The following PARD3B variants were observed in gnomAD, a reference collection of about 807,000 sequenced individuals.
The protein encoded by PARD3B is par-3 family cell polarity regulator beta.
In PARD3B, 103 loss-of-function variants were observed where a neutral mutation model predicts 130.2. The observed-to-expected ratio is 0.79, with a 90% CI of 0.67 to 0.93. The LOEUF (loss-of-function observed/expected upper bound fraction) is 0.93. PARD3B is among the 40% of genes least tolerant of loss of function. The pLI, the probability that PARD3B is intolerant of heterozygous loss-of-function variation, is 0.00. For synonymous variants in PARD3B, 583 were observed against 553.2 expected, an observed-to-expected ratio of 1.05 and a Z score of -0.76; for missense variants, 1,609 against 1,499.2, an observed-to-expected ratio of 1.07 and a Z score of -1.21.
intron 2 of PARD3B, among the ~76,000 whole-genome samples, chr2:204,811,818 AC>A (rs201240946): frequency 1.1e-4 from 16 of 151,718 alleles, no homozygotes; most frequent in East Asian, 1.9e-4. Context: ...ACATTAAAAA[AC>A]AAAAAACAAA....
intron 1 of PARD3B, among the ~76,000 whole-genome samples, chr2:204,633,658 AAAATTTAGCCAGGCAT>A (rs2034768363): frequency 6.6e-6 from 1 of 152,090 alleles, no homozygotes; most frequent in Admixed American, 6.5e-5. Flanking sequence ...CTAAAAATAC[AAAATTTAGCCAGGCAT>A]GGTGGTGCAC....
rs142030948 is a variant in PARD3B at position 205,103,780 on chromosome 2, A to G, written c.505-646A>G. 3,494 of 979,012 alleles carry G rather than the reference A, an allele frequency of 3.6e-3. 8 individuals are homozygous for G. Among genetic ancestry groups the G allele is most frequent in the Admixed American group, 0.011 (179 of 16,268 alleles). 60.6% of individuals were successfully genotyped at this position (979,012 alleles called of 1,614,324 possible). Reference sequence around the variant, plus strand: ...CCTCTGCTTCTCTGGGTAACATCCAATACAACTTTTCCACTGTCCTGGAGT... The same window carrying G: ...CCTCTGCTTCTCTGGGTAACATCCAGTACAACTTTTCCACTGTCCTGGAGT... On this transcript the variant is annotated intron_variant, in intron 4 of 22. Transcript: ENST00000406610.
At chr2:204,748,760 CT>C (rs1323790165) in intron 2 of PARD3B, among the ~76,000 whole-genome samples, 1 of 152,042 alleles carries the variant, frequency 6.6e-6, no homozygotes, top group East Asian at 1.9e-4. Flanking sequence ...AGAACCACTG[CT>C]GTACAAATAG....
chr2:204,733,927 C>T (rs2039630884), intron 2 of PARD3B, among the ~76,000 whole-genome samples: 1 of 152,056 alleles, frequency 6.6e-6, no homozygotes, highest in Non-Finnish European at 1.5e-5. Flanking sequence ...GCAATTGTAG[C>T]TTAGGCAAAT....
intron 22 of PARD3B, among the ~76,000 whole-genome samples, chr2:205,583,825 C>T (rs895621410): frequency 1.3e-5 from 2 of 152,198 alleles, no homozygotes; most frequent in Non-Finnish European, 2.9e-5. Flanking sequence ...TTACATCCCC[C>T]TCTTCCACCT....
intron 11 of PARD3B, among the ~76,000 whole-genome samples, chr2:205,161,996 C>T (rs912608488): frequency 2.0e-5 from 3 of 152,158 alleles, no homozygotes; most frequent in East Asian, 1.9e-4. Context: ...CTGAATACCT[C>T]GACTCTAATT....
rs1449019286 is a variant in PARD3B at position 204,965,246 on chromosome 2, CAG to C, written c.319_320del (p.Glu107SerfsTer9). On this transcript the variant is annotated frameshift_variant, in exon 3 of 23. Coordinates refer to ENST00000406610, the MANE Select transcript of PARD3B (RefSeq NM_001302769.2). LOFTEE classifies it high-confidence loss of function. The stretch of plus-strand genomic sequence containing the variant: ...CGGCAGAGCCCAGATGCTTTTGAGA[CAG>C]AAGTGGCCGCCCAACTGGCCGCATT... The C allele has an allele frequency of 6.2e-7, 1 of 1,613,908 alleles. No individual in the cohort carries two copies. Among genetic ancestry groups the C allele is most frequent in the Admixed American group, 1.7e-5 (1 of 59,976 alleles).
chr2:205,444,292 GT>G (rs906828949), intron 20 of PARD3B, among the ~76,000 whole-genome samples: 19 of 149,680 alleles, frequency 1.3e-4, no homozygotes, highest in Admixed American at 8.0e-4. Context: ...CTCTACAAAA[GT>G]TTTTTTTTTA....
In PARD3B at chr2:205,342,235, T is replaced by C. The variant is rs150467575; in HGVS notation, c.2630+40534T>C. Among the ~76,000 whole-genome samples the C allele has an allele frequency of 2.9e-3, 449 of 152,308 alleles. 3 individuals are homozygous for C. The highest frequency in any genetic ancestry group is 0.01 in the Middle Eastern group (3 of 294). On this transcript the variant is annotated intron_variant, in intron 18 of 22. Transcript: ENST00000406610. ...GGCACTCTGATAGGCATTAGGAAGA[T>C]GTAAGTGAACAAAACAGATTAATAT... is the stretch of plus-strand genomic sequence containing the variant.
rs1574997246 is a variant in PARD3B, at chr2:204,793,465, A to G, written c.222+107183A>G. ...TTTAAGTGAGGGTATTCCCAGTCGA[A>G]TCTGTTATCTTTTTAATATTCTCAC... is the stretch of plus-strand genomic sequence containing the variant. On this transcript the variant is annotated intron_variant, in intron 2 of 22. Coordinates refer to ENST00000406610, the MANE Select transcript of PARD3B (RefSeq NM_001302769.2). 4.6e-5 allele frequency among the ~76,000 whole-genome samples: 7 copies of G among 152,130 alleles called. No homozygotes were observed. In the South Asian group the frequency reaches 1.0e-3, roughly 23 times the overall value.
At chr2:205,422,655 A>G (rs2047009557) in intron 19 of PARD3B, among the ~76,000 whole-genome samples, 2 of 152,114 alleles carry the variant, frequency 1.3e-5, no homozygotes, top group African/African-American at 4.8e-5. Context: ...TTTTTCCAAC[A>G]TTTTATGGAT....
At chr2:204,831,018 C>T (rs992521043) in intron 2 of PARD3B, among the ~76,000 whole-genome samples, 3 of 152,120 alleles carry the variant, frequency 2.0e-5, no homozygotes, top group East Asian at 1.9e-4. Context: ...ATCTAAATAA[C>T]TGAGTAAATT....
At chr2:205,038,428 G>T (rs1698165145) in intron 3 of PARD3B, among the ~76,000 whole-genome samples, 1 of 152,028 alleles carries the variant, frequency 6.6e-6, no homozygotes, top group East Asian at 1.9e-4. Flanking sequence ...GCATATCTGA[G>T]ACCTGGCATT....
intron 1 of PARD3B, among the ~76,000 whole-genome samples, chr2:204,577,293 T>C (rs1258556365): frequency 6.6e-6 from 1 of 152,244 alleles, no homozygotes; most frequent in Non-Finnish European, 1.5e-5. Context: ...CTAAACACTT[T>C]GCATATGTTA....
intron 2 of PARD3B, among the ~76,000 whole-genome samples, chr2:204,762,268 C>T (rs904076317): frequency 3.3e-5 from 5 of 151,516 alleles, no homozygotes; most frequent in Admixed American, 2.6e-4. Context: ...AGTACAGGCA[C>T]GTGCCACCAT....
chr2:204,669,700 T>A lies in PARD3B; in HGVS notation c.121-16481T>A, dbSNP rs1273976494. ...ATTATAGAGAAAGTATGGTTATCAT[T>A]ACAGAAAAGAATGTAAATATTTGCA... On this transcript the variant is annotated intron_variant, in intron 1 of 22. Coordinates refer to ENST00000406610, the MANE Select transcript of PARD3B (RefSeq NM_001302769.2). This position sits in a 1 kb window ranked among gnomAD's most constrained non-coding sequence, Gnocchi z 4.3. Among the ~76,000 whole-genome samples, 2 of 152,120 alleles carry A rather than the reference T, an allele frequency of 1.3e-5. No homozygotes were observed. The highest frequency in any genetic ancestry group is 4.8e-5 in the African/African-American group (2 of 41,424).
chr2:204,699,517 T>A (rs1247774976), intron 2 of PARD3B, among the ~76,000 whole-genome samples: 1 of 151,638 alleles, frequency 6.6e-6, no homozygotes, highest in African/African-American at 2.4e-5. Flanking sequence ...GTTAAGCGAG[T>A]GAGATTCCCG....
chr2:204,976,546 T>A (rs973127209), intron 3 of PARD3B, among the ~76,000 whole-genome samples: 4 of 151,972 alleles, frequency 2.6e-5, no homozygotes, highest in African/African-American at 9.7e-5. Context: ...CATTATTATA[T>A]TTATTATGGA....
At chr2:205,319,349 C>T (rs1181661192) in intron 18 of PARD3B, among the ~76,000 whole-genome samples, 1 of 152,224 alleles carries the variant, frequency 6.6e-6, no homozygotes, top group African/African-American at 2.4e-5. Context: ...AGAGCACTGG[C>T]ATAGTAGAGC....
Sources: allele counts gnomAD v4.1 joint callset (sites outside exome capture counted in the v4.1 genomes callset), GRCh38; gene constraint gnomAD v4.1.1; non-coding constraint Gnocchi (gnomAD v3.1); transcripts MANE v1.5; gene names NCBI Gene and HGNC (gene_info 2026-07-23, HGNC 2026-07-21).